The following AGBL4 variants were observed in gnomAD, a reference collection of about 807,000 sequenced individuals.
The protein encoded by AGBL4 is cytosolic carboxypeptidase 6.
In AGBL4, 58 loss-of-function variants were observed where a neutral mutation model predicts 66.4. The observed-to-expected ratio is 0.87, with a 90% CI of 0.71 to 1.09. The LOEUF is 1.09. Ranked by LOEUF, AGBL4 falls within the 50% of genes least tolerant of loss-of-function variation. AGBL4 has a pLI of 0.00. For missense variants in AGBL4, 579 were observed against 631.0 expected, an observed-to-expected ratio of 0.92 and a Z score of 0.88; for synonymous variants, 234 against 222.9, an observed-to-expected ratio of 1.05 and a Z score of -0.44.
chr1:49,558,654 A>G, intron 3 of AGBL4, among the ~76,000 whole-genome samples: 1 of 152,070 alleles, frequency 6.6e-6, no homozygotes, highest in East Asian at 1.9e-4. Flanking sequence ...CCTTGATTCT[A>G]AGATTTGACA....
intron 2 of AGBL4, among the ~76,000 whole-genome samples, chr1:49,837,738 G>C (rs1413004669): frequency 6.6e-6 from 1 of 152,150 alleles, no homozygotes; most frequent in African/African-American, 2.4e-5. Flanking sequence ...CCAGCTACTC[G>C]GGAGGCTGAG....
downstream of AGBL4, among the ~76,000 whole-genome samples, chr1:48,529,698 G>A (rs1222534561): frequency 6.6e-6 from 1 of 152,178 alleles, no homozygotes; most frequent in Non-Finnish European, 1.5e-5. Flanking sequence ...GAGGGACATA[G>A]TAGGCTTATT....
At position 49,301,227 on chromosome 1, in the gene AGBL4, T is replaced by G. The variant is rs142902514; in HGVS notation, c.283-55363A>C. 7.1e-3 allele frequency among the ~76,000 whole-genome samples: 1,074 copies of G among 152,320 alleles called. 18 individuals carry two copies. The highest frequency in any genetic ancestry group is 0.025 in the African/African-American group (1,039 of 41,572). On this transcript the variant is annotated intron_variant, in intron 3 of 13. Coordinates refer to ENST00000371839, the MANE Select transcript of AGBL4 (RefSeq NM_032785.4). ...TCTGGGCTGTGGGACAATTAGACCC[T>G]CTACTGATTCCTCTCCAGAGGAAAA...
At chr1:48,685,629 A>G (rs1010603348) in intron 6 of AGBL4, among the ~76,000 whole-genome samples, 1 of 152,178 alleles carries the variant, frequency 6.6e-6, no homozygotes, top group East Asian at 1.9e-4. Context: ...GAAAAAAGAC[A>G]TAGAAATGCT....
chr1:49,656,870 G>A (rs1022123685), intron 3 of AGBL4, among the ~76,000 whole-genome samples: 4 of 152,072 alleles, frequency 2.6e-5, no homozygotes, highest in Non-Finnish European at 5.9e-5. Flanking sequence ...AATAATAAGA[G>A]CTACTTATGA....
intron 4 of AGBL4, among the ~76,000 whole-genome samples, chr1:49,058,045 C>A (rs1644337908): frequency 6.6e-6 from 1 of 152,074 alleles, no homozygotes; most frequent in African/African-American, 2.4e-5. Context: ...GGAAGCTGTT[C>A]CATGAGTAAG....
intron 6 of AGBL4, among the ~76,000 whole-genome samples, chr1:48,851,875 G>A (rs1446209015): frequency 4.7e-5 from 7 of 150,294 alleles, no homozygotes; most frequent in Admixed American, 1.3e-4. Flanking sequence ...GCATGTCAGA[G>A]AATGACCTAA....
chr1:49,135,764 T>C (rs1257964081), intron 4 of AGBL4, among the ~76,000 whole-genome samples: 1 of 152,136 alleles, frequency 6.6e-6, no homozygotes, highest in Non-Finnish European at 1.5e-5. Context: ...CCCTCATTCC[T>C]GTAAACCCAC....
intron 6 of AGBL4, chr1:48,776,668 G>T: frequency 6.7e-7 from 1 of 1,498,994 alleles, no homozygotes; most frequent in Middle Eastern, 2.1e-4. Context: ...GGGGGCGCGC[G>T]GGGGGCTCTC....
intron 3 of AGBL4, among the ~76,000 whole-genome samples, chr1:49,569,205 T>C (rs1203140939): frequency 6.6e-6 from 1 of 151,488 alleles, no homozygotes; most frequent in East Asian, 1.9e-4. Context: ...AGATAGAGAG[T>C]AGGATGGTTA....
intron 5 of AGBL4, among the ~76,000 whole-genome samples, chr1:48,925,669 G>A (rs890308040): frequency 3.0e-4 from 45 of 152,270 alleles, no homozygotes; most frequent in African/African-American, 1.1e-3. Flanking sequence ...TAATCTGCAC[G>A]TTTGATACAG....
At chr1:48,671,835 T>G (rs573520712) in intron 6 of AGBL4, among the ~76,000 whole-genome samples, 1 of 152,326 alleles carries the variant, frequency 6.6e-6, no homozygotes, top group East Asian at 1.9e-4. Flanking sequence ...GAAGTAGTAT[T>G]TGTTGCCCTT....
intron 3 of AGBL4, among the ~76,000 whole-genome samples, chr1:49,296,606 T>G (rs1330595084): frequency 6.6e-6 from 1 of 152,200 alleles, no homozygotes; most frequent in South Asian, 2.1e-4. Flanking sequence ...TATTTTTATG[T>G]AACAACTTCC....
intron 8 of AGBL4, among the ~76,000 whole-genome samples, chr1:48,642,948 G>A (rs918006006): frequency 6.6e-6 from 1 of 152,132 alleles, no homozygotes; most frequent in Non-Finnish European, 1.5e-5. Context: ...CCCTGGCTTG[G>A]CCAACACATT....
intron 4 of AGBL4, among the ~76,000 whole-genome samples, chr1:49,199,836 T>A (rs1647545663): frequency 6.6e-6 from 1 of 152,166 alleles, no homozygotes; most frequent in South Asian, 2.1e-4. Context: ...TGGCAATTAG[T>A]CCTTGTCTTG....
intron 5 of AGBL4, among the ~76,000 whole-genome samples, chr1:48,867,905 C>G (rs1450821329): frequency 2.0e-5 from 3 of 152,124 alleles, no homozygotes; most frequent in South Asian, 2.1e-4. Flanking sequence ...CCTTGGATAC[C>G]CCAAAGCCTG....
chr1:49,331,766 G>A lies in AGBL4; in HGVS notation c.283-85902C>T, dbSNP rs921476855. Among the ~76,000 whole-genome samples, 16 of 151,938 alleles carry A rather than the reference G, an allele frequency of 1.1e-4. No individual in the cohort carries two copies. In the East Asian group the frequency reaches 2.3e-3, roughly 22 times the overall value. ...GAGCCTAAATGGTCTGGGTGTGGAAGGTAACACAGCACAACACAGCACTGA... is the reference window on the plus strand; with the variant it reads ...GAGCCTAAATGGTCTGGGTGTGGAAAGTAACACAGCACAACACAGCACTGA... On this transcript the variant is annotated intron_variant, in intron 3 of 13. Coordinates refer to ENST00000371839, the MANE Select transcript of AGBL4 (RefSeq NM_032785.4).
intron 5 of AGBL4, among the ~76,000 whole-genome samples, chr1:48,925,801 T>C (rs1654506894): frequency 6.6e-6 from 1 of 152,218 alleles, no homozygotes; most frequent in African/African-American, 2.4e-5. Context: ...CATATGTATG[T>C]AAAGTTTCCA....
intron 1 of AGBL4, among the ~76,000 whole-genome samples, chr1:49,893,494 C>A (rs1648859726): frequency 6.6e-6 from 1 of 152,182 alleles, no homozygotes; most frequent in Admixed American, 6.5e-5. Flanking sequence ...TAGCCCACTG[C>A]CCTAAAGGGT....
Sources: allele counts gnomAD v4.1 joint callset (sites outside exome capture counted in the v4.1 genomes callset), GRCh38; gene constraint gnomAD v4.1.1; transcripts MANE v1.5; gene names NCBI Gene and HGNC (gene_info 2026-07-23, HGNC 2026-07-21).